HECW1: variants seen among roughly 807,000 people sequenced by gnomAD.
HECW1 encodes the protein E3 ubiquitin-protein ligase HECW1.
Under a neutral mutation model 182.3 loss-of-function variants are expected in HECW1, and 61 were observed. That is an observed-to-expected ratio of 0.33 (90% CI 0.27 to 0.41). The LOEUF (loss-of-function observed/expected upper bound fraction) is 0.41. Ranked by LOEUF, HECW1 falls within the 10% of genes least tolerant of loss-of-function variation. The pLI, the probability that HECW1 is intolerant of heterozygous loss-of-function variation, is 1.00. For synonymous variants in HECW1, 859 were observed against 832.6 expected (o/e 1.03, Z -0.55); for missense variants, 1,739 against 2,108.9 (o/e 0.82, Z 3.44).
At chr7:43,438,218 C>A in intron 9 of HECW1, 73 bp downstream of exon 9, 2 of 1,313,122 alleles carry the variant, frequency 1.5e-6, no homozygotes, top group African/African-American at 1.5e-5. Flanking sequence ...GGCCTGTAGG[C>A]TGCAATAGTA....
chr7:43,518,751 C>G (rs1392583125), intron 24 of HECW1, among the ~76,000 whole-genome samples: 2 of 151,900 alleles, frequency 1.3e-5, no homozygotes, highest in Non-Finnish European at 2.9e-5. Flanking sequence ...GATTGATAAA[C>G]CCATTAAAAA....
At chr7:43,137,643 G>A (rs116923536) in intron 2 of HECW1, among the ~76,000 whole-genome samples, 5,419 of 151,898 alleles carry the variant, frequency 0.036, 131 homozygotes, top group Middle Eastern at 0.13. Context: ...CACACCTCCT[G>A]GGCTCAGGTG....
intron 17 of HECW1, 38 bp downstream of exon 17, chr7:43,479,782 C>T: frequency 6.2e-7 from 1 of 1,611,388 alleles, no homozygotes; most frequent in South Asian, 1.1e-5. Context: ...GTTCACCGGT[C>T]ACAGTCTCTG....
At chr7:43,334,841 G>A (rs1241369025) in intron 5 of HECW1, among the ~76,000 whole-genome samples, 3 of 152,156 alleles carry the variant, frequency 2.0e-5, no homozygotes, top group Non-Finnish European at 4.4e-5. Flanking sequence ...CCCTCTACCA[G>A]AGAATGGCAT....
chr7:43,347,524 T>G (rs1813839755), intron 5 of HECW1, among the ~76,000 whole-genome samples: 1 of 152,112 alleles, frequency 6.6e-6, no homozygotes, highest in Non-Finnish European at 1.5e-5. Context: ...TTTCTTTCTC[T>G]TGTCTGATTG....
rs74880245 is a variant in HECW1, at chr7:43,297,257, G to A, written c.28-14506G>A. On this transcript the variant is annotated intron_variant, in intron 3 of 29. Coordinates refer to ENST00000395891, the MANE Select transcript of HECW1 (RefSeq NM_015052.5). ...ACTGAATTAGATACAGTCAGAGCAA[G>A]GGCACATTTCAGTCCTTAAGTTGGA... 2.2e-3 allele frequency among the ~76,000 whole-genome samples: 339 copies of A among 152,296 alleles called. 2 individuals are homozygous for A. The highest frequency in any genetic ancestry group is 7.2e-3 in the African/African-American group (298 of 41,574).
intron 3 of HECW1, among the ~76,000 whole-genome samples, chr7:43,294,780 T>C (rs1805830413): frequency 6.6e-6 from 1 of 152,048 alleles, no homozygotes; most frequent in African/African-American, 2.4e-5. Flanking sequence ...CTGAGACGGG[T>C]CTCAATCAAT....
intron 2 of HECW1, among the ~76,000 whole-genome samples, chr7:43,205,071 G>A (rs891937241): frequency 6.6e-6 from 1 of 152,016 alleles, no homozygotes; most frequent in Non-Finnish European, 1.5e-5. Flanking sequence ...ATCAGATGTT[G>A]TCTGAAACAA....
chr7:43,459,933 T>A (rs1159941226), intron 13 of HECW1, among the ~76,000 whole-genome samples: 1 of 152,376 alleles, frequency 6.6e-6, no homozygotes, highest in East Asian at 1.9e-4. Context: ...TAGTTTCATA[T>A]TCTTTTTTCA....
intron 24 of HECW1, among the ~76,000 whole-genome samples, chr7:43,516,850 T>A (rs1377508222): frequency 6.6e-6 from 1 of 152,208 alleles, no homozygotes; most frequent in Admixed American, 6.5e-5. Flanking sequence ...CTGCACAACA[T>A]GTTACTGTAC....
chr7:43,475,460 A>G (rs2078185224), intron 16 of HECW1, among the ~76,000 whole-genome samples: 1 of 152,220 alleles, frequency 6.6e-6, no homozygotes, highest in Admixed American at 6.5e-5. Flanking sequence ...AAAATATAGA[A>G]AGGATATACT....
rs73101370 is a variant in HECW1, at chr7:43,396,708, T to A, written c.556-106T>A. 5,828 of 733,378 alleles carry A rather than the reference T, an allele frequency of 7.9e-3. 122 individuals carry two copies. Among genetic ancestry groups the A allele is most frequent in the African/African-American group, 0.062 (3,588 of 57,636 alleles). The allele number at this position is 733,378 out of a possible 1,614,324, so 45.4% of individuals were successfully genotyped here. ...TGCCCAGTGAAATCACTGTCTTCGT[T>A]GCCTGTAGCTGGTAAAATCACTGTG... On this transcript the variant is annotated intron_variant, in intron 6 of 29. Coordinates refer to ENST00000395891, the MANE Select transcript of HECW1 (RefSeq NM_015052.5).
At chr7:43,242,375 G>A (rs1562722522) in intron 2 of HECW1, among the ~76,000 whole-genome samples, 1 of 152,196 alleles carries the variant, frequency 6.6e-6, no homozygotes. Flanking sequence ...GGAGGTAGGA[G>A]CAGACGAACT....
chr7:43,306,086 G>A (rs902862445), intron 3 of HECW1, among the ~76,000 whole-genome samples: 2 of 152,128 alleles, frequency 1.3e-5, no homozygotes, highest in Middle Eastern at 3.4e-3. Flanking sequence ...TAGTAGAGAC[G>A]AGGTTTCGCC....
intron 2 of HECW1, among the ~76,000 whole-genome samples, chr7:43,198,646 CTCTA>C (rs1165174786): frequency 1.3e-5 from 2 of 150,340 alleles, no homozygotes; most frequent in Admixed American, 1.3e-4. Flanking sequence ...ACACCCCACA[CTCTA>C]TCTCACACAC....
chr7:43,509,335 G>T (rs1359274279), intron 24 of HECW1: 1 of 452,024 alleles, frequency 2.2e-6, no homozygotes, highest in Non-Finnish European at 3.9e-6. Flanking sequence ...TATAGCAACT[G>T]CAAATTGATG....
intron 2 of HECW1, among the ~76,000 whole-genome samples, chr7:43,221,464 A>T (rs1796937704): frequency 6.6e-6 from 1 of 150,796 alleles, no homozygotes; most frequent in Admixed American, 6.7e-5. Context: ...TTATCTCTTA[A>T]AGCCTGTAAT....
chr7:43,533,529 C>T (rs576725479), intron 24 of HECW1, among the ~76,000 whole-genome samples: 1 of 152,286 alleles, frequency 6.6e-6, no homozygotes, highest in African/African-American at 2.4e-5. Flanking sequence ...CCTCTGGCCT[C>T]ATTCACTGAC....
chr7:43,315,491 T>TATTATC (rs1809118343), intron 4 of HECW1, among the ~76,000 whole-genome samples: 1 of 149,106 alleles, frequency 6.7e-6, no homozygotes, highest in Non-Finnish European at 1.5e-5. Context: ...TTATTATTAT[T>TATTATC]ATCATTATTA....
Sources: allele counts gnomAD v4.1 joint callset (sites outside exome capture counted in the v4.1 genomes callset), GRCh38; gene constraint gnomAD v4.1.1; transcripts MANE v1.5; gene names NCBI Gene and HGNC (gene_info 2026-07-23, HGNC 2026-07-21).